AP4E1: variants seen among roughly 807,000 people sequenced by gnomAD.
AP4E1 encodes the protein AP-4 complex subunit epsilon-1.
AP4E1 carries 56 observed loss-of-function variants against 128.2 expected under a neutral mutation model. That is an observed-to-expected ratio of 0.44 (90% CI 0.35 to 0.55). AP4E1 has a LOEUF of 0.55. Among genes scored for constraint, AP4E1 ranks in the 20% least tolerant of loss-of-function variants. AP4E1 has a pLI of 0.00. For missense variants in AP4E1, 1,324 were observed against 1,307.7 expected, an observed-to-expected ratio of 1.01 and a Z score of -0.19; for synonymous variants, 484 against 473.1, an observed-to-expected ratio of 1.02 and a Z score of -0.30.
chr15:50,942,778 TC>T (rs1451476239), intron 10 of AP4E1, among the ~76,000 whole-genome samples: 1 of 151,352 alleles, frequency 6.6e-6, no homozygotes. Context: ...ATATAAATAT[TC>T]CTTTTAATTC....
chr15:50,996,959 A>G (rs542276267), intron 17 of AP4E1, among the ~76,000 whole-genome samples: 7 of 152,352 alleles, frequency 4.6e-5, no homozygotes, highest in African/African-American at 1.4e-4. Context: ...AGGCTTATAC[A>G]GAACAACTAT....
chr15:50,959,809 A>T (rs1221544920), intron 14 of AP4E1, among the ~76,000 whole-genome samples: 3 of 152,232 alleles, frequency 2.0e-5, no homozygotes, highest in Non-Finnish European at 4.4e-5. Flanking sequence ...AAAACAGTTT[A>T]AATTCCTCAA....
At chr15:50,966,652 C>G (rs987346199) in intron 14 of AP4E1, among the ~76,000 whole-genome samples, 14 of 149,678 alleles carry the variant, frequency 9.4e-5, no homozygotes, top group African/African-American at 3.5e-4. Context: ...ATTCTCCTGT[C>G]TCAGCCTCCC....
Position 50,930,897 on chromosome 15 carries a change from C to T in AP4E1, c.795C>T (p.Tyr265=). The T allele has an allele frequency of 6.2e-7, 1 of 1,614,060 alleles. No homozygotes were observed. Among genetic ancestry groups the T allele is most frequent in the Non-Finnish European group, 8.5e-7 (1 of 1,180,000 alleles). Residue 265 remains tyrosine, a synonymous_variant, in exon 7 of 21, where the codon TAC becomes TAT. Transcript: ENST00000261842. ...GAAAGCTCCCAGTAGAATTCAATTA[C>T]CACAGTGTGCCAGCACCATGGTTAC... ...VGGKLPVEFN[Y]HSVPAPWLQI... is the part of the protein sequence containing the mutation.
chr15:50,993,668 T>A (rs1389763756), intron 17 of AP4E1, 43 bp downstream of exon 17: 19 of 1,611,906 alleles, frequency 1.2e-5, no homozygotes, highest in Non-Finnish European at 1.5e-5. Flanking sequence ...TTGTCATCTG[T>A]CTGTACAAAA....
intron 13 of AP4E1, among the ~76,000 whole-genome samples, chr15:50,952,690 T>A (rs941367444): frequency 3.9e-5 from 6 of 152,160 alleles, no homozygotes; most frequent in Admixed American, 6.5e-5. Context: ...TATCCTTTTT[T>A]AATTTATAAT....
At chr15:50,946,968 C>T (rs2414080) in intron 10 of AP4E1, among the ~76,000 whole-genome samples, 65,487 of 151,800 alleles carry the variant, frequency 0.43, 14,317 homozygotes, top group East Asian at 0.59. Context: ...GTCAGGAGTT[C>T]GAGACCAGCC....
At chr15:50,964,955 C>CCCCCCCCCCACACACACACACACA (rs1555459128) in intron 14 of AP4E1, among the ~76,000 whole-genome samples, 1 of 131,370 alleles carries the variant, frequency 7.6e-6, no homozygotes, top group African/African-American at 3.0e-5. Context: ...CCTCCCCCTA[C>CCCCCCCCCCACACACACACACACA]CACACACACA....
chr15:50,951,385 A>G (rs1455484058), intron 13 of AP4E1, among the ~76,000 whole-genome samples: 1 of 152,140 alleles, frequency 6.6e-6, no homozygotes, highest in East Asian at 1.9e-4. Flanking sequence ...TGGCCTCCCA[A>G]CAGGGCCGCC....
At chr15:50,971,137 G>A (rs1283814435) in intron 15 of AP4E1, among the ~76,000 whole-genome samples, 1 of 152,288 alleles carries the variant, frequency 6.6e-6, no homozygotes, top group Non-Finnish European at 1.5e-5. Context: ...GTCTACTGGT[G>A]ATGAAGTTCT....
chr15:50,994,691 A>T (rs564775288), intron 17 of AP4E1, among the ~76,000 whole-genome samples: 1 of 152,294 alleles, frequency 6.6e-6, no homozygotes, highest in African/African-American at 2.4e-5. Flanking sequence ...TACCAGTGGA[A>T]TGCTTGGTAA....
intron 8 of AP4E1, among the ~76,000 whole-genome samples, chr15:50,939,663 A>G (rs1363934479): frequency 6.6e-6 from 1 of 152,148 alleles, no homozygotes; most frequent in Non-Finnish European, 1.5e-5. Flanking sequence ...TTTTTTTCCC[A>G]TGTTGGCACC....
At chr15:50,975,976 G>GAGAGAA (rs1197281916) in intron 15 of AP4E1, among the ~76,000 whole-genome samples, 3 of 152,038 alleles carry the variant, frequency 2.0e-5, no homozygotes, top group African/African-American at 7.2e-5. Context: ...GAGAGAGAGA[G>GAGAGAA]AGAGAAAGAG....
chr15:50,980,748 C>T (rs1376451556), intron 15 of AP4E1, among the ~76,000 whole-genome samples: 1 of 152,134 alleles, frequency 6.6e-6, no homozygotes, highest in Non-Finnish European at 1.5e-5. Flanking sequence ...CAAGTCTCTG[C>T]TCCCTGTGTT....
intron 3 of AP4E1, among the ~76,000 whole-genome samples, chr15:50,918,413 A>G (rs917502200): frequency 3.3e-5 from 5 of 152,188 alleles, no homozygotes; most frequent in Non-Finnish European, 7.4e-5. Context: ...GCTGGCTTCC[A>G]TGTTAGCATA....
chr15:50,910,119 T>C (rs2063546469), intron 1 of AP4E1, among the ~76,000 whole-genome samples: 1 of 152,218 alleles, frequency 6.6e-6, no homozygotes, highest in South Asian at 2.1e-4. Flanking sequence ...CCCAAGTAGC[T>C]GGGATTATAG....
chr15:50,968,747 C>T (rs2064431643), intron 15 of AP4E1, among the ~76,000 whole-genome samples: 1 of 152,168 alleles, frequency 6.6e-6, no homozygotes, highest in Non-Finnish European at 1.5e-5. Context: ...TGTGCCTCAG[C>T]CTCCCAAGTA....
rs2140869221 is a variant in AP4E1 at position 50,953,063 on chromosome 15, A to G, written c.1548+2894A>G. Among the ~76,000 whole-genome samples the G allele has an allele frequency of 2.0e-5, 3 of 152,170 alleles. No individual in the cohort carries two copies. In the South Asian group the frequency reaches 6.2e-4, roughly 32 times the overall value. On this transcript the variant is annotated intron_variant, in intron 13 of 20. Coordinates refer to ENST00000261842, the MANE Select transcript of AP4E1 (RefSeq NM_007347.5). ...GAGACCTAGTCTCTACCAAAGGGAG[A>G]AAAAAAAGATGGTGACCTCCAGATC...
At chr15:50,912,883 C>T (rs776282744) in intron 2 of AP4E1, among the ~76,000 whole-genome samples, 3 of 152,044 alleles carry the variant, frequency 2.0e-5, no homozygotes, top group Non-Finnish European at 2.9e-5. Context: ...AGGCTAGTAT[C>T]GCACTCCTGA....
Sources: allele counts gnomAD v4.1 joint callset (sites outside exome capture counted in the v4.1 genomes callset), GRCh38; gene constraint gnomAD v4.1.1; transcripts MANE v1.5; gene names NCBI Gene and HGNC (gene_info 2026-07-23, HGNC 2026-07-21).